The following PRKG1 variants were observed in gnomAD, a reference collection of about 807,000 sequenced individuals.
PRKG1 encodes the protein protein kinase cGMP-dependent 1, also known as cGMP-dependent protein kinase 1.
In PRKG1, 35 loss-of-function variants were observed where a neutral mutation model predicts 88.1. The ratio of observed to expected loss-of-function variants is 0.40; its 90% confidence interval spans 0.30 to 0.53. PRKG1 has a LOEUF of 0.53. PRKG1 is among the 20% of genes least tolerant of loss of function. PRKG1 has a pLI of 0.59. For synonymous variants in PRKG1, 303 were observed against 292.5 expected (o/e 1.04, Z -0.37); for missense variants, 540 against 839.8 (o/e 0.64, Z 4.41).
At chr10:51,165,283 A>G (rs1415305286) in intron 2 of PRKG1, among the ~76,000 whole-genome samples, 1 of 152,016 alleles carries the variant, frequency 6.6e-6, no homozygotes, top group Non-Finnish European at 1.5e-5. Context: ...CCAGAATTTC[A>G]TATCCAGCCA....
intron 3 of PRKG1, among the ~76,000 whole-genome samples, chr10:51,639,209 C>T (rs1474407151): frequency 6.6e-6 from 1 of 151,424 alleles, no homozygotes; most frequent in East Asian, 1.9e-4. Flanking sequence ...CAGAGGTGGG[C>T]GGATAACGAG....
At chr10:52,190,806 A>G (rs887878532) in intron 9 of PRKG1, among the ~76,000 whole-genome samples, 1 of 152,174 alleles carries the variant, frequency 6.6e-6, no homozygotes, top group Non-Finnish European at 1.5e-5. Flanking sequence ...TTAAGATTCA[A>G]CATTTACCAA....
At chr10:51,620,365 T>G (rs1839174857) in intron 3 of PRKG1, among the ~76,000 whole-genome samples, 1 of 152,078 alleles carries the variant, frequency 6.6e-6, no homozygotes, top group Non-Finnish European at 1.5e-5. Context: ...TGGCTCTCTA[T>G]TCACCCTAGA....
At chr10:51,654,690 A>G (rs1414429402) in intron 3 of PRKG1, among the ~76,000 whole-genome samples, 2 of 152,182 alleles carry the variant, frequency 1.3e-5, no homozygotes, top group Non-Finnish European at 2.9e-5. Context: ...GGACAGTTGG[A>G]TAACATATTC....
intron 9 of PRKG1, among the ~76,000 whole-genome samples, chr10:52,195,527 T>C (rs1839481735): frequency 6.6e-6 from 1 of 152,146 alleles, no homozygotes; most frequent in Non-Finnish European, 1.5e-5. Context: ...CAGATAGAGT[T>C]TATCAATGTG....
At chr10:51,212,127 A>C (rs777439514) in intron 2 of PRKG1, among the ~76,000 whole-genome samples, 2,932 of 151,982 alleles carry the variant, frequency 0.019, 37 homozygotes, top group Middle Eastern at 0.051. Context: ...GATATAGACC[A>C]ATGGAACAGA....
At chr10:51,269,979 A>G (rs1171546563) in intron 2 of PRKG1, among the ~76,000 whole-genome samples, 1 of 152,236 alleles carries the variant, frequency 6.6e-6, no homozygotes, top group African/African-American at 2.4e-5. Context: ...TTCAGTGCAC[A>G]TAGAAAACCA....
At chr10:51,391,410 C>G (rs1837399282) in intron 2 of PRKG1, among the ~76,000 whole-genome samples, 1 of 152,148 alleles carries the variant, frequency 6.6e-6, no homozygotes, top group Non-Finnish European at 1.5e-5. Context: ...TGGAATCTTT[C>G]TTTAGGTTTC....
At chr10:52,024,402 C>T (rs970503081) in intron 5 of PRKG1, among the ~76,000 whole-genome samples, 1 of 151,448 alleles carries the variant, frequency 6.6e-6, no homozygotes. Flanking sequence ...CATGTGTATA[C>T]ATGTGCCGTG....
At chr10:51,534,068 G>C (rs1168965455) in intron 3 of PRKG1, among the ~76,000 whole-genome samples, 1 of 152,102 alleles carries the variant, frequency 6.6e-6, no homozygotes, top group Non-Finnish European at 1.5e-5. Flanking sequence ...AAGGAAATAG[G>C]ATTTGGGCCA....
chr10:51,308,594 C>CT (rs1327843764), intron 2 of PRKG1, among the ~76,000 whole-genome samples: 1 of 152,098 alleles, frequency 6.6e-6, no homozygotes, highest in Non-Finnish European at 1.5e-5. Flanking sequence ...AGCCTTCTCA[C>CT]TGGTCCCTAA....
chr10:51,083,993 T>A (rs1296578595), intron 1 of PRKG1, among the ~76,000 whole-genome samples: 3 of 152,200 alleles, frequency 2.0e-5, no homozygotes, highest in Non-Finnish European at 4.4e-5. Flanking sequence ...TGCAAATACT[T>A]TTTGATAAAA....
intron 4 of PRKG1, among the ~76,000 whole-genome samples, chr10:51,854,276 A>C (rs1315794400): frequency 6.6e-6 from 1 of 152,152 alleles, no homozygotes; most frequent in Non-Finnish European, 1.5e-5. Context: ...AATGAAAAGA[A>C]AGACAAAAAA....
At chr10:51,435,590 T>G (rs571666869) in intron 2 of PRKG1, among the ~76,000 whole-genome samples, 11 of 152,138 alleles carry the variant, frequency 7.2e-5, no homozygotes, top group African/African-American at 2.4e-4. Flanking sequence ...TTGTTTGAAA[T>G]GTCTACCTTT....
At chr10:51,348,332 G>A (rs762639213) in intron 2 of PRKG1, among the ~76,000 whole-genome samples, 23 of 152,034 alleles carry the variant, frequency 1.5e-4, no homozygotes, top group Admixed American at 8.5e-4. Context: ...CTGTTAGCCC[G>A]TCAGTGGAAT....
intron 2 of PRKG1, among the ~76,000 whole-genome samples, chr10:51,252,650 G>A (rs1489178642): frequency 6.6e-6 from 1 of 151,698 alleles, no homozygotes; most frequent in Non-Finnish European, 1.5e-5. Flanking sequence ...TCTTATAGTA[G>A]TGTAGTGTTA....
At chr10:51,623,240 G>T (rs982560273) in intron 3 of PRKG1, among the ~76,000 whole-genome samples, 12 of 152,186 alleles carry the variant, frequency 7.9e-5, no homozygotes, top group African/African-American at 2.7e-4. Context: ...TTGCTCTGTT[G>T]CCCAGGCTGG....
At chr10:52,153,259 A>C (rs1273963062) in intron 8 of PRKG1, among the ~76,000 whole-genome samples, 5 of 152,130 alleles carry the variant, frequency 3.3e-5, no homozygotes, top group Non-Finnish European at 7.4e-5. Context: ...CTTTTTTCCT[A>C]TTATATTCAG....
intron 4 of PRKG1, among the ~76,000 whole-genome samples, chr10:51,807,623 G>A (rs140347125): frequency 2.5e-4 from 38 of 152,280 alleles, no homozygotes; most frequent in Admixed American, 1.1e-3. Context: ...TGGCCTAAGT[G>A]AGGAAAACCA....
Sources: allele counts gnomAD v4.1 joint callset (sites outside exome capture counted in the v4.1 genomes callset), GRCh38; gene constraint gnomAD v4.1.1; transcripts MANE v1.5; gene names NCBI Gene and HGNC (gene_info 2026-07-23, HGNC 2026-07-21).